The following SLC24A2 variants were observed in gnomAD, a reference collection of about 807,000 sequenced individuals.
The protein encoded by SLC24A2 is sodium/potassium/calcium exchanger 2.
Under a neutral mutation model 62.0 loss-of-function variants are expected in SLC24A2, and 36 were observed. That is an observed-to-expected ratio of 0.58 (90% CI 0.44 to 0.77). The LOEUF (loss-of-function observed/expected upper bound fraction) is 0.77. Among genes scored for constraint, SLC24A2 ranks in the 30% least tolerant of loss-of-function variants. The pLI, the probability that SLC24A2 is intolerant of heterozygous loss-of-function variation, is 0.00. For missense variants in SLC24A2, 846 were observed against 817.9 expected (o/e 1.03, Z -0.42); for synonymous variants, 358 against 294.0 (o/e 1.22, Z -2.23).
chr9:19,635,393 G>T (rs945016858), intron 2 of SLC24A2, among the ~76,000 whole-genome samples: 7 of 152,134 alleles, frequency 4.6e-5, no homozygotes, highest in African/African-American at 1.7e-4. Flanking sequence ...TTTGTAGCAG[G>T]TCCCATAGTA....
the SLC24A2 span, among the ~76,000 whole-genome samples, chr9:19,897,311 A>T: frequency 0.014 from 2,179 of 152,098 alleles, 23 homozygotes; most frequent in Non-Finnish European, 0.024. Context: ...GTTGTTTTTC[A>T]TATTTATAAA....
chr9:20,111,807 G>A, the SLC24A2 span, among the ~76,000 whole-genome samples: 1 of 152,014 alleles, frequency 6.6e-6, no homozygotes, highest in East Asian at 1.9e-4. Flanking sequence ...TCCACTGGGG[G>A]ATGCTTCTCC....
the SLC24A2 span, among the ~76,000 whole-genome samples, chr9:20,108,754 T>C: frequency 1.3e-5 from 2 of 151,776 alleles, no homozygotes; most frequent in African/African-American, 2.4e-5. Flanking sequence ...TGTTAAATGA[T>C]GAGTTAATGG....
At chr9:19,698,775 G>C (rs930490417) in intron 2 of SLC24A2, among the ~76,000 whole-genome samples, 3 of 152,146 alleles carry the variant, frequency 2.0e-5, no homozygotes, top group East Asian at 3.9e-4. Context: ...ATTGCAGAAG[G>C]AAAGGAATCC....
At chr9:19,883,035 C>T in the SLC24A2 span, among the ~76,000 whole-genome samples, 23 of 152,206 alleles carry the variant, frequency 1.5e-4, no homozygotes, top group African/African-American at 2.2e-4. Flanking sequence ...TCATGCTGTG[C>T]GTTAGATCTC....
rs575708405 is a variant in SLC24A2, at chr9:19,557,810, A to G, written c.1348-7542T>C. ...ATTTCTAATGGTCTAAATGGCTCAC[A>G]TTTCTTTTTTTTTTTTTTGAGACAG... On this transcript the variant is annotated intron_variant, in intron 7 of 10. Coordinates refer to ENST00000341998, the MANE Select transcript of SLC24A2 (RefSeq NM_020344.4). 5.6e-5 allele frequency among the ~76,000 whole-genome samples: 8 copies of G among 142,822 alleles called. No homozygotes were observed. The South Asian group carries it at 1.8e-3, about 31-fold the overall frequency. 93.7% of individuals were successfully genotyped at this position (142,822 alleles called of 152,430 possible).
chr9:19,541,586 G>A (rs1416927474), intron 8 of SLC24A2, among the ~76,000 whole-genome samples: 1 of 138,456 alleles, frequency 7.2e-6, no homozygotes, highest in East Asian at 2.0e-4. Context: ...GCTGCGTGCT[G>A]GGAGAACCAC....
chr9:20,095,134 T>C, the SLC24A2 span, among the ~76,000 whole-genome samples: 6 of 152,150 alleles, frequency 3.9e-5, no homozygotes, highest in African/African-American at 1.4e-4. Context: ...TGGAAAAAAA[T>C]CCAATTTTTG....
chr9:19,960,284 T>C, the SLC24A2 span, among the ~76,000 whole-genome samples: 2 of 152,208 alleles, frequency 1.3e-5, no homozygotes, highest in African/African-American at 4.8e-5. Flanking sequence ...TGACGCATGA[T>C]ATTTTCCATT....
intron 2 of SLC24A2, among the ~76,000 whole-genome samples, chr9:19,628,233 T>C (rs1288150309): frequency 6.6e-6 from 1 of 152,212 alleles, no homozygotes; most frequent in Non-Finnish European, 1.5e-5. Context: ...CTGGGTCAGT[T>C]ACCAGAGCTC....
chr9:20,185,158 A>G, the SLC24A2 span, among the ~76,000 whole-genome samples: 2 of 152,138 alleles, frequency 1.3e-5, no homozygotes, highest in African/African-American at 4.8e-5. Context: ...GAATAAGTTC[A>G]AGAGATCTAT....
chr9:19,725,515 TA>T lies in SLC24A2; in HGVS notation c.930+60421del, dbSNP rs1201189024. On this transcript the variant is annotated intron_variant, in intron 2 of 10. Transcript: ENST00000341998. ...TGATAAAAACTTTCAGAGTTGGAGG[TA>T]AACTGTCTTCATAATAAGCTATTTT... Among the ~76,000 whole-genome samples, 5 of 152,156 alleles carry T rather than the reference TA, an allele frequency of 3.3e-5. No individual in the cohort carries two copies. In the East Asian group the frequency reaches 7.7e-4, roughly 23 times the overall value.
At chr9:20,168,917 T>C in the SLC24A2 span, among the ~76,000 whole-genome samples, 1 of 152,038 alleles carries the variant, frequency 6.6e-6, no homozygotes, top group Non-Finnish European at 1.5e-5. Context: ...TTCATACCAG[T>C]ACTATTCACA....
At chr9:20,066,981 C>G in the SLC24A2 span, among the ~76,000 whole-genome samples, 1 of 152,140 alleles carries the variant, frequency 6.6e-6, no homozygotes, top group African/African-American at 2.4e-5. Flanking sequence ...ATTTAACACA[C>G]TCACCTGAAA....
chr9:20,046,331 C>T, the SLC24A2 span, among the ~76,000 whole-genome samples: 2 of 152,170 alleles, frequency 1.3e-5, no homozygotes, highest in Non-Finnish European at 2.9e-5. Context: ...GACAGGCAGA[C>T]CCAGAAGGTT....
the SLC24A2 span, among the ~76,000 whole-genome samples, chr9:19,932,897 G>A: frequency 7.9e-5 from 12 of 152,114 alleles, no homozygotes; most frequent in African/African-American, 2.2e-4. Context: ...AGATTCCCCC[G>A]TCATCACTGG....
chr9:20,288,853 T>C, the SLC24A2 span, among the ~76,000 whole-genome samples: 1 of 152,018 alleles, frequency 6.6e-6, no homozygotes, highest in African/African-American at 2.4e-5. Flanking sequence ...TCATCCTCAG[T>C]ACAGTTCAGC....
the SLC24A2 span, among the ~76,000 whole-genome samples, chr9:20,306,018 C>A: frequency 6.6e-6 from 1 of 152,108 alleles, no homozygotes; most frequent in Non-Finnish European, 1.5e-5. Flanking sequence ...AGAGCCTACT[C>A]CAATGACTTC....
chr9:19,609,417 A>T (rs1365566467), intron 4 of SLC24A2, among the ~76,000 whole-genome samples: 2 of 152,220 alleles, frequency 1.3e-5, no homozygotes, highest in Non-Finnish European at 2.9e-5. Context: ...AGCCTCCTGA[A>T]TACTTCAGCC....
Sources: allele counts gnomAD v4.1 joint callset (sites outside exome capture counted in the v4.1 genomes callset), GRCh38; gene constraint gnomAD v4.1.1; transcripts MANE v1.5; gene names NCBI Gene and HGNC (gene_info 2026-07-23, HGNC 2026-07-21).